MLIP: variants seen among roughly 807,000 people sequenced by gnomAD.
MLIP encodes the protein muscular LMNA interacting protein.
Under a neutral mutation model 84.8 loss-of-function variants are expected in MLIP, and 79 were observed. The observed-to-expected ratio is 0.93, with a 90% CI of 0.78 to 1.12. The LOEUF (loss-of-function observed/expected upper bound fraction) is 1.12, where lower values mean the gene tolerates loss of function less well. Among genes scored for constraint, MLIP ranks in the 50% most tolerant of loss-of-function variants. MLIP has a pLI of 0.00. For missense variants in MLIP, 1,257 were observed against 1,160.6 expected (o/e 1.08, Z -1.21); for synonymous variants, 504 against 463.0 (o/e 1.09, Z -1.14).
At chr6:54,111,359 A>T, upstream of MLIP, 1 of 1,441,536 alleles carries the variant, frequency 6.9e-7, no homozygotes. Context: ...TTTTGGAATG[A>T]CTCTGCTTTA....
intron 2 of MLIP, among the ~76,000 whole-genome samples, 172 bp from the exon 3 acceptor site, chr6:54,124,301 T>C (rs1770717052): frequency 6.6e-6 from 1 of 152,196 alleles, no homozygotes; most frequent in Non-Finnish European, 1.5e-5. Flanking sequence ...ACAGGTGGGC[T>C]AGTGGGCTAG....
intron 1 of MLIP, among the ~76,000 whole-genome samples, chr6:54,041,374 C>T (rs2150301962): frequency 6.6e-6 from 1 of 152,148 alleles, no homozygotes; most frequent in South Asian, 2.1e-4. Flanking sequence ...ATAAATGAAG[C>T]TGTTATATAG....
At chr6:54,254,288 A>G (rs1370056466) in intron 12 of MLIP, among the ~76,000 whole-genome samples, 1 of 151,464 alleles carries the variant, frequency 6.6e-6, no homozygotes, top group Non-Finnish European at 1.5e-5. Context: ...CACCATGCCC[A>G]GCTAATTTTT....
chr6:54,216,746 G>T (rs1185609940), intron 11 of MLIP: 2 of 985,150 alleles, frequency 2.0e-6, no homozygotes. Context: ...AAATGCATAT[G>T]GATTCTCCAA....
chr6:54,081,576 A>AT (rs961098749), intron 1 of MLIP, among the ~76,000 whole-genome samples: 9 of 151,466 alleles, frequency 5.9e-5, no homozygotes, highest in East Asian at 1.9e-4. Context: ...GCCCAGCTAA[A>AT]TTTTTTTTGT....
chr6:54,090,684 TGA>T (rs771734490), intron 1 of MLIP, among the ~76,000 whole-genome samples: 31 of 150,552 alleles, frequency 2.1e-4, no homozygotes, highest in Non-Finnish European at 2.7e-4. Flanking sequence ...TGTGTGTGTG[TGA>T]GACAGAGAAA....
At chr6:54,244,967 T>C (rs1781980016) in intron 12 of MLIP, among the ~76,000 whole-genome samples, 2 of 152,212 alleles carry the variant, frequency 1.3e-5, no homozygotes, top group Non-Finnish European at 2.9e-5. Flanking sequence ...ATAACAGTTT[T>C]ATACTTTGAG....
chr6:54,224,311 C>T (rs1034695056), intron 11 of MLIP, among the ~76,000 whole-genome samples: 6 of 151,680 alleles, frequency 4.0e-5, no homozygotes, highest in Admixed American at 2.6e-4. Flanking sequence ...GCTTCTCTCA[C>T]CCTTATGCAA....
At chr6:54,176,472 G>A (rs1056237945) in intron 9 of MLIP, among the ~76,000 whole-genome samples, 1 of 151,884 alleles carries the variant, frequency 6.6e-6, no homozygotes, top group Admixed American at 6.6e-5. Context: ...TTGATAGGTT[G>A]TATGTATCTA....
At position 54,121,298 on chromosome 6, in the gene MLIP, T is replaced by C. The variant is rs560317239; in HGVS notation, c.97-149T>C. ...TTCTGATTCTTTATAACCATTTTTATAGGTGTTTACTTTGGCAGCCATATA... is the reference window on the plus strand; with the variant it reads ...TTCTGATTCTTTATAACCATTTTTACAGGTGTTTACTTTGGCAGCCATATA... On this transcript the variant is annotated intron_variant, in intron 1 of 13. Transcript: ENST00000502396. The C allele has an allele frequency of 4.1e-5, 30 of 724,612 alleles. No homozygotes were observed. In the African/African-American group the frequency reaches 5.3e-4, roughly 13 times the overall value. 44.9% of individuals were successfully genotyped at this position (724,612 alleles called of 1,614,324 possible). A position where few individuals can be genotyped will look rare whatever the true frequency, so the allele number is the denominator to read the frequency against.
chr6:54,175,370 C>T (rs756538587), intron 9 of MLIP, among the ~76,000 whole-genome samples: 8 of 151,554 alleles, frequency 5.3e-5, no homozygotes, highest in Non-Finnish European at 1.2e-4. Flanking sequence ...TTCTTTAAAT[C>T]CAAGAACATG....
chr6:54,247,595 C>A (rs576541422), intron 12 of MLIP, among the ~76,000 whole-genome samples: 11 of 152,270 alleles, frequency 7.2e-5, no homozygotes, highest in African/African-American at 2.6e-4. Context: ...TCAGAAAAAG[C>A]TTACACAACT....
intron 1 of MLIP, among the ~76,000 whole-genome samples, chr6:54,030,266 C>T (rs1383159366): frequency 6.6e-6 from 1 of 152,132 alleles, no homozygotes; most frequent in Non-Finnish European, 1.5e-5. Context: ...ATGTCCTAAT[C>T]TCAGTGGAGA....
At chr6:54,238,352 G>T (rs962017524) in intron 12 of MLIP, among the ~76,000 whole-genome samples, 1 of 152,000 alleles carries the variant, frequency 6.6e-6, no homozygotes, top group Admixed American at 6.6e-5. Flanking sequence ...AATTTCCAAG[G>T]TAAACCTCTC....
At chr6:54,188,123 T>A (rs1273584901) in intron 9 of MLIP, among the ~76,000 whole-genome samples, 1 of 152,174 alleles carries the variant, frequency 6.6e-6, no homozygotes, top group Non-Finnish European at 1.5e-5. Context: ...AAGTGGTACA[T>A]CTGTATAGTG....
chr6:54,150,567 A>G (rs532829984), intron 5 of MLIP, among the ~76,000 whole-genome samples: 1 of 152,340 alleles, frequency 6.6e-6, no homozygotes, highest in African/African-American at 2.4e-5. Context: ...GCAGTGAGGC[A>G]AAGAGGAGAT....
intron 1 of MLIP, among the ~76,000 whole-genome samples, chr6:54,066,820 A>G (rs1450440345): frequency 1.2e-5 from 1 of 80,250 alleles, no homozygotes; most frequent in African/African-American, 3.0e-5. Flanking sequence ...CCAGTCAAAT[A>G]AAGAAGATAA....
At chr6:54,246,826 G>A (rs1782117497) in intron 12 of MLIP, among the ~76,000 whole-genome samples, 1 of 151,938 alleles carries the variant, frequency 6.6e-6, no homozygotes, top group South Asian at 2.1e-4. Flanking sequence ...AGTCCATTTG[G>A]TCCCTTCCAT....
chr6:54,190,983 G>T (rs1019758727), intron 10 of MLIP, among the ~76,000 whole-genome samples: 1 of 151,826 alleles, frequency 6.6e-6, no homozygotes. Flanking sequence ...TTTTAGTAGA[G>T]ATGGGGTTTC....
Sources: allele counts gnomAD v4.1 joint callset (sites outside exome capture counted in the v4.1 genomes callset), GRCh38; gene constraint gnomAD v4.1.1; transcripts MANE v1.5; gene names NCBI Gene and HGNC (gene_info 2026-07-23, HGNC 2026-07-21).